The following KCNK2 variants were observed in gnomAD, a reference collection of about 807,000 sequenced individuals.
KCNK2 encodes the protein potassium two pore domain channel subfamily K member 2.
KCNK2 carries 21 observed loss-of-function variants against 40.5 expected under a neutral mutation model. The observed-to-expected ratio is 0.52, with a 90% CI of 0.37 to 0.75. KCNK2 has a LOEUF of 0.75. Among genes scored for constraint, KCNK2 ranks in the 30% least tolerant of loss-of-function variants. The pLI, the probability that KCNK2 is intolerant of heterozygous loss-of-function variation, is 0.00. For synonymous variants in KCNK2, 191 were observed against 202.2 expected (o/e 0.94, Z 0.47); for missense variants, 399 against 531.6 (o/e 0.75, Z 2.45).
chr1:215,030,530 A>G (rs1657149363), intron 1 of KCNK2, among the ~76,000 whole-genome samples: 1 of 150,746 alleles, frequency 6.6e-6, no homozygotes, highest in Non-Finnish European at 1.5e-5. Flanking sequence ...CAAATTTTCT[A>G]TGTTACCTAT....
chr1:215,019,621 C>T (rs775232271), intron 1 of KCNK2, among the ~76,000 whole-genome samples: 1 of 152,176 alleles, frequency 6.6e-6, no homozygotes, highest in Non-Finnish European at 1.5e-5. Flanking sequence ...CATTTTAATT[C>T]ATTCACCTTC....
intron 1 of KCNK2, among the ~76,000 whole-genome samples, chr1:215,025,656 A>G (rs1396201383): frequency 6.6e-6 from 1 of 152,062 alleles, no homozygotes; most frequent in Non-Finnish European, 1.5e-5. Flanking sequence ...TATTGTACAC[A>G]ATTTTTCTTG....
chr1:215,163,885 C>T (rs755685171), intron 3 of KCNK2, among the ~76,000 whole-genome samples: 1 of 151,596 alleles, frequency 6.6e-6, no homozygotes, highest in Non-Finnish European at 1.5e-5. Flanking sequence ...TTTTTTTTGG[C>T]GTTGTTGTGT....
chr1:215,180,963 T>C (rs1664195573), intron 5 of KCNK2, among the ~76,000 whole-genome samples: 1 of 152,174 alleles, frequency 6.6e-6, no homozygotes, highest in Non-Finnish European at 1.5e-5. Context: ...TCCAGGTTGT[T>C]TTCTTTATCT....
chr1:215,211,619 A>G (rs952910809), intron 6 of KCNK2, among the ~76,000 whole-genome samples: 3 of 152,202 alleles, frequency 2.0e-5, no homozygotes, highest in African/African-American at 7.2e-5. Flanking sequence ...TATCAAAATC[A>G]AGTGACATGC....
chr1:215,182,094 G>A (rs1664239988), intron 5 of KCNK2, among the ~76,000 whole-genome samples: 2 of 152,190 alleles, frequency 1.3e-5, no homozygotes, highest in Admixed American at 1.3e-4. Flanking sequence ...ATCTACCTGG[G>A]CATGCAGCAG....
chr1:215,038,826 A>G (rs1462863016), intron 1 of KCNK2, among the ~76,000 whole-genome samples: 1 of 152,116 alleles, frequency 6.6e-6, no homozygotes, highest in Non-Finnish European at 1.5e-5. Context: ...CTGCTTTTTG[A>G]ATGCCACTTT....
chr1:215,024,945 GTTTTTTT>G (rs376087335), intron 1 of KCNK2, among the ~76,000 whole-genome samples: 1 of 82,498 alleles, frequency 1.2e-5, no homozygotes, highest in Non-Finnish European at 2.7e-5. Flanking sequence ...ATCTACAGGA[GTTTTTTT>G]TTTTTTTTTT....
intron 6 of KCNK2, among the ~76,000 whole-genome samples, chr1:215,202,637 T>A (rs1260326051): frequency 6.6e-6 from 1 of 152,180 alleles, no homozygotes; most frequent in East Asian, 1.9e-4. Context: ...TCAAAATGTA[T>A]ACTAAAAATG....
chr1:215,169,597 T>C (rs141024134), intron 4 of KCNK2, among the ~76,000 whole-genome samples: 5 of 151,904 alleles, frequency 3.3e-5, no homozygotes, highest in Non-Finnish European at 7.4e-5. Flanking sequence ...AAGTAGGAAT[T>C]CAAAAGTCTT....
chr1:215,228,188 A>G (rs1187392571), intron 6 of KCNK2, among the ~76,000 whole-genome samples: 1 of 152,186 alleles, frequency 6.6e-6, no homozygotes, highest in African/African-American at 2.4e-5. Context: ...ACCCTGCAGA[A>G]CAAAGGTAGT....
At chr1:215,112,516 T>C (rs1378696164) in intron 2 of KCNK2, among the ~76,000 whole-genome samples, 2 of 152,164 alleles carry the variant, frequency 1.3e-5, no homozygotes, top group African/African-American at 4.8e-5. Context: ...TAATTTGTTA[T>C]TGAAGAAAGT....
At chr1:215,068,311 G>A (rs1170743381) in intron 1 of KCNK2, among the ~76,000 whole-genome samples, 1 of 152,076 alleles carries the variant, frequency 6.6e-6, no homozygotes, top group Non-Finnish European at 1.5e-5. Context: ...GATTCACATT[G>A]CCAGAAATAT....
At chr1:215,186,231 A>G (rs1410346160) in intron 5 of KCNK2, among the ~76,000 whole-genome samples, 1 of 152,270 alleles carries the variant, frequency 6.6e-6, no homozygotes, top group Non-Finnish European at 1.5e-5. Flanking sequence ...CAACATAGTG[A>G]GACTCTTGTC....
intron 2 of KCNK2, among the ~76,000 whole-genome samples, chr1:215,119,893 C>G (rs540181624): frequency 6.6e-6 from 1 of 152,258 alleles, no homozygotes; most frequent in Admixed American, 6.5e-5. Context: ...ATGACCTGAA[C>G]TGATGTTGAA....
intron 1 of KCNK2, among the ~76,000 whole-genome samples, chr1:215,084,071 G>A (rs1208432704): frequency 1.3e-5 from 2 of 152,038 alleles, no homozygotes; most frequent in Non-Finnish European, 2.9e-5. Flanking sequence ...TATTTCATCA[G>A]TTTCTGTCCA....
intron 6 of KCNK2, among the ~76,000 whole-genome samples, chr1:215,226,433 C>G (rs1405802660): frequency 6.6e-6 from 1 of 152,186 alleles, no homozygotes; most frequent in Non-Finnish European, 1.5e-5. Context: ...TCAAGCGATT[C>G]TCTTGCCTCA....
At chr1:215,181,038 T>G in intron 5 of KCNK2, among the ~76,000 whole-genome samples, 1 of 152,296 alleles carries the variant, frequency 6.6e-6, no homozygotes, top group East Asian at 1.9e-4. Flanking sequence ...CCTGTATTTC[T>G]GAAGGACTTT....
intron 5 of KCNK2, 126 bp from the exon 6 acceptor site, chr1:215,194,827 C>T (rs534747722): frequency 3.2e-6 from 2 of 620,708 alleles, no homozygotes; most frequent in African/African-American, 1.9e-5. Flanking sequence ...TAATGTAACT[C>T]CATTGATAAG....
Sources: gnomAD v4.1 joint callset for allele counts (sites outside exome capture counted in the v4.1 genomes callset) on GRCh38, gnomAD v4.1.1 for gene constraint, MANE v1.5 for transcripts, NCBI Gene and HGNC (gene_info 2026-07-23, HGNC 2026-07-21) for gene names.